PCDHGA7: variants seen among roughly 807,000 people sequenced by gnomAD.
The protein encoded by PCDHGA7 is protocadherin gamma-A7.
In PCDHGA7, 44 loss-of-function variants were observed where a neutral mutation model predicts 58.3. The observed-to-expected ratio is 0.75, with a 90% CI of 0.59 to 0.97. PCDHGA7 has a LOEUF of 0.97. PCDHGA7 is among the 50% of genes least tolerant of loss of function. The pLI is 0.00. For synonymous variants in PCDHGA7, 516 were observed against 504.2 expected, an observed-to-expected ratio of 1.02 and a Z score of -0.31; for missense variants, 1,266 against 1,188.7, an observed-to-expected ratio of 1.06 and a Z score of -0.96.
intron 1 of PCDHGA7, chr5:141,418,829 C>A: frequency 1.9e-6 from 3 of 1,613,856 alleles, no homozygotes; most frequent in Non-Finnish European, 1.7e-6. Context: ...AGCAAAAGAC[C>A]GAGGATCTCT....
In PCDHGA7 at chr5:141,476,089, C is replaced by A; in HGVS notation, c.2425-18718C>A. 1 of 1,560,716 alleles carries A rather than the reference C, an allele frequency of 6.4e-7. No individual in the cohort carries two copies. The highest frequency in any genetic ancestry group is 8.6e-7 in the Non-Finnish European group (1 of 1,158,372). On this transcript the variant is annotated intron_variant, in intron 1 of 3. Coordinates refer to ENST00000518325, the MANE Select transcript of PCDHGA7 (RefSeq NM_018920.4). This position sits in a 1 kb window ranked among gnomAD's most constrained non-coding sequence, Gnocchi z 7.6. ...CGAAATCTCAGGGACGATCTGGACC[C>A]CGCTGAGAGGAACTGCTTTTGAGTG...
intron 1 of PCDHGA7, among the ~76,000 whole-genome samples, chr5:141,454,353 A>G (rs2098787486): frequency 1.3e-5 from 2 of 152,238 alleles, no homozygotes; most frequent in Non-Finnish European, 2.9e-5. Context: ...AGTTGATCCA[A>G]ACTTAGAAAG....
intron 1 of PCDHGA7, chr5:141,426,194 T>C (rs1482565872): frequency 6.4e-6 from 1 of 155,380 alleles, no homozygotes; most frequent in Non-Finnish European, 1.4e-5. Context: ...ACTGGGAGCA[T>C]TGAGTTTTCT....
chr5:141,476,187 G>T lies in PCDHGA7; in HGVS notation c.2425-18620G>T. 1 of 1,613,782 alleles carries T rather than the reference G, an allele frequency of 6.2e-7. No individual in the cohort carries two copies. The highest frequency in any genetic ancestry group is 8.5e-7 in the Non-Finnish European group (1 of 1,180,028). ...GTAGTGGGAGTTTTGCTTCTGCTTG[G>T]TGCCTTGAACAAGGCTTCCACGGTC... On this transcript the variant is annotated intron_variant, in intron 1 of 3. Transcript: ENST00000518325. This position sits in a 1 kb window ranked among gnomAD's most constrained non-coding sequence, Gnocchi z 7.6.
At chr5:141,504,517 T>C (rs1057166865) in intron 2 of PCDHGA7, among the ~76,000 whole-genome samples, 5 of 151,918 alleles carry the variant, frequency 3.3e-5, no homozygotes, top group African/African-American at 1.2e-4. Context: ...TCTCCTCTGA[T>C]ATATTTTATT....
intron 1 of PCDHGA7, among the ~76,000 whole-genome samples, chr5:141,471,995 TG>T: frequency 6.6e-6 from 1 of 152,322 alleles, no homozygotes; most frequent in East Asian, 1.9e-4. Context: ...TAAAAATCCC[TG>T]CATCGTATAG....
Position 141,409,803 on chromosome 5 carries a change from C to G in PCDHGA7, c.2424+24480C>G, listed in dbSNP as rs779815582. The G allele has an allele frequency of 1.4e-5, 23 of 1,611,528 alleles. No homozygotes were observed. The highest frequency in any genetic ancestry group is 7.7e-5 in the South Asian group (7 of 90,886). ...CGCGCCTTCGCGCTCACGCTGCAGG[C>G]CCGCGACCACGGCTCGCCCACGCTC... On this transcript the variant is annotated intron_variant, in intron 1 of 3. Coordinates refer to ENST00000518325, the MANE Select transcript of PCDHGA7 (RefSeq NM_018920.4).
rs773383689 is a variant in PCDHGA7, at chr5:141,383,358, G to C, written c.459G>C (p.Pro153=). ...ATACAGCTCCTGGGGTTCGGTTTCC[G>C]TTAAGCGAGGCTGGGGATCCAGATG... ...MENTAPGVRF[P]LSEAGDPDVG... The change falls in exon 1 of 4, where the codon CCG becomes CCC. Residue 153 remains proline, a synonymous_variant. Transcript: ENST00000518325. 8.7e-6 allele frequency: 14 copies of C among 1,613,864 alleles called. No homozygotes were observed. The highest frequency in any genetic ancestry group is 1.6e-4 in the Middle Eastern group (1 of 6,084).
At chr5:141,455,160 G>T (rs6875366) in intron 1 of PCDHGA7, among the ~76,000 whole-genome samples, 16,301 of 149,190 alleles carry the variant, frequency 0.11, 1,328 homozygotes, top group African/African-American at 0.23. Context: ...TAGTTTGTTG[G>T]TTTTTTTTTT....
chr5:141,453,701 AAC>A (rs1250174252), intron 1 of PCDHGA7, among the ~76,000 whole-genome samples: 1 of 152,240 alleles, frequency 6.6e-6, no homozygotes, highest in Non-Finnish European at 1.5e-5. Context: ...CCTGGCTTTG[AAC>A]AGTTTCACTA....
rs1282205134 is a variant in PCDHGA7, at chr5:141,383,583, C to A, written c.684C>A (p.Ile228=). The change falls in exon 1 of 4, where the codon ATC becomes ATA. Residue 228 remains isoleucine (I), a synonymous_variant. Coordinates refer to ENST00000518325, the MANE Select transcript of PCDHGA7 (RefSeq NM_018920.4). ...CGCCCCGATCCAGCACCGCCCACATCCAGGTGACAGTGGTGGATGTGAATG... is the reference window on the plus strand; with the variant it reads ...CGCCCCGATCCAGCACCGCCCACATACAGGTGACAGTGGTGGATGTGAATG... ...GDPPRSSTAH[I]QVTVVDVNDH... The A allele has an allele frequency of 6.8e-6, 11 of 1,613,640 alleles. No individual in the cohort carries two copies. The highest frequency in any genetic ancestry group is 9.3e-6 in the Non-Finnish European group (11 of 1,179,836).
chr5:141,404,838 C>T (rs1561696680), intron 1 of PCDHGA7: 1 of 1,613,850 alleles, frequency 6.2e-7, no homozygotes, highest in East Asian at 2.2e-5. Flanking sequence ...GTGCGCACAG[C>T]TCGGGCCCTG....
At chr5:141,400,089 C>T (rs200160561) in intron 1 of PCDHGA7, 568 of 1,613,960 alleles carry the variant, frequency 3.5e-4, no homozygotes, top group Non-Finnish European at 4.6e-4. Flanking sequence ...CCGCCACCGC[C>T]ACGCTGCACT....
At chr5:141,464,680 A>G (rs747974832) in intron 1 of PCDHGA7, among the ~76,000 whole-genome samples, 3 of 152,144 alleles carry the variant, frequency 2.0e-5, no homozygotes, top group Non-Finnish European at 4.4e-5. Flanking sequence ...TTTTAATTAA[A>G]ATTTCTCTTA....
At chr5:141,433,181 G>T (rs199507607) in intron 1 of PCDHGA7, 45 of 1,607,620 alleles carry the variant, frequency 2.8e-5, no homozygotes, top group Non-Finnish European at 3.4e-5. Context: ...TGGGTTAATT[G>T]AGGTGAGTTT....
rs202220616 is a variant in PCDHGA7, at chr5:141,389,200, A to G, written c.2424+3877A>G. On this transcript the variant is annotated intron_variant, in intron 1 of 3. Coordinates refer to ENST00000518325, the MANE Select transcript of PCDHGA7 (RefSeq NM_018920.4). ...TCCTCCAGTTCCAGCATCACCCTGC[A>G]CATTGGTGATGTAAATGACAACGCT... is the stretch of plus-strand genomic sequence containing the variant. 1,731 of 1,614,032 alleles carry G rather than the reference A, an allele frequency of 1.1e-3. 2 individuals carry two copies. Among genetic ancestry groups the G allele is most frequent in the Non-Finnish European group, 1.4e-3 (1,628 of 1,179,874 alleles).
At chr5:141,401,815 C>A (rs1217081146) in intron 1 of PCDHGA7, among the ~76,000 whole-genome samples, 1 of 152,184 alleles carries the variant, frequency 6.6e-6, no homozygotes, top group Non-Finnish European at 1.5e-5. Context: ...GGGTTCCTTA[C>A]AAAGTGCTGA....
chr5:141,424,195 A>C (rs2096804945), intron 1 of PCDHGA7: 1 of 183,680 alleles, frequency 5.4e-6, no homozygotes, highest in Non-Finnish European at 1.1e-5. Context: ...ACACACTTAT[A>C]CACGTAAGCT....
chr5:141,389,449 A>T lies in PCDHGA7; in HGVS notation c.2424+4126A>T, dbSNP rs771507101. The stretch of plus-strand genomic sequence containing the variant: ...GCGCAGCGCGCCTTCGACCACGAGC[A>T]GCTGCGCGCCTTCGAACTCACACTG... On this transcript the variant is annotated intron_variant, in intron 1 of 3. Coordinates refer to ENST00000518325, the MANE Select transcript of PCDHGA7 (RefSeq NM_018920.4). 17 of 1,610,420 alleles carry T rather than the reference A, an allele frequency of 1.1e-5. No individual in the cohort carries two copies. In the African/African-American group the frequency reaches 2.3e-4, roughly 22 times the overall value.
Sources: allele counts gnomAD v4.1 joint callset (sites outside exome capture counted in the v4.1 genomes callset), GRCh38; gene constraint gnomAD v4.1.1; non-coding constraint Gnocchi (gnomAD v3.1); transcripts MANE v1.5; gene names NCBI Gene and HGNC (gene_info 2026-07-23, HGNC 2026-07-21).